Variants in USP34 observed in about 807,000 individuals in gnomAD.
USP34 encodes the protein ubiquitin carboxyl-terminal hydrolase 34.
Under a neutral mutation model 460.3 loss-of-function variants are expected in USP34, and 70 were observed. The observed-to-expected ratio is 0.15, with a 90% confidence interval of 0.13 to 0.19. The LOEUF (loss-of-function observed/expected upper bound fraction) is 0.19. Ranked by LOEUF, USP34 falls within the 10% of genes least tolerant of loss-of-function variation. The pLI is 1.00. For missense variants in USP34, 3,985 were observed against 4,236.2 expected, an observed-to-expected ratio of 0.94 and a Z score of 1.65; for synonymous variants, 1,647 against 1,405.3, an observed-to-expected ratio of 1.17 and a Z score of -3.85.
intron 44 of USP34, among the ~76,000 whole-genome samples, chr2:61,258,204 G>T (rs982801506): frequency 2.0e-5 from 3 of 152,044 alleles, no homozygotes; most frequent in Non-Finnish European, 4.4e-5. Flanking sequence ...AAATAAAGAA[G>T]ATAGCCAGGC....
At position 61,339,422 on chromosome 2, in the gene USP34, T is replaced by C. The variant is rs370987714; in HGVS notation, c.2673A>G (p.Val891=). 1.2e-5 allele frequency: 20 copies of C among 1,606,484 alleles called. No homozygotes were observed. The African/African-American group carries it at 2.4e-4, about 19-fold the overall frequency. The stretch of plus-strand genomic sequence containing the variant: ...GAATTTGTCTATCTGTAAACCAACA[T>C]ACTAACGAACAAAGAAGTTTCTCTG... ...NEAEKLLCSL[V]CWFTDRQIRM... Residue 891 remains valine (V), a synonymous_variant, in exon 18 of 80, where the codon GTA becomes GTG. Coordinates refer to ENST00000398571, the MANE Select transcript of USP34 (RefSeq NM_014709.4).
At chr2:61,211,994 A>C in intron 68 of USP34, 65 bp from the exon 69 acceptor site, 2 of 1,484,514 alleles carry the variant, frequency 1.3e-6, no homozygotes, top group Non-Finnish European at 1.8e-6. Flanking sequence ...TCAGTTTCTC[A>C]TTTCTACGTT....
intron 27 of USP34, among the ~76,000 whole-genome samples, chr2:61,306,573 G>T (rs1166477724): frequency 6.6e-6 from 1 of 152,106 alleles, no homozygotes; most frequent in Non-Finnish European, 1.5e-5. Context: ...GGTTTCATAT[G>T]AACTTTAAAG....
chr2:61,424,957 T>C (rs1694468130), intron 1 of USP34, among the ~76,000 whole-genome samples: 1 of 152,028 alleles, frequency 6.6e-6, no homozygotes, highest in South Asian at 2.1e-4. Context: ...GTAGCTGGAA[T>C]TACAGGCATG....
chr2:61,430,466 AC>A (rs1441807872), intron 1 of USP34, among the ~76,000 whole-genome samples: 1 of 152,210 alleles, frequency 6.6e-6, no homozygotes, highest in African/African-American at 2.4e-5. Context: ...ATCAGCAGTT[AC>A]GACAATGCAG....
At chr2:61,251,324 A>G (rs953784496) in intron 48 of USP34, among the ~76,000 whole-genome samples, 4 of 152,340 alleles carry the variant, frequency 2.6e-5, no homozygotes, top group African/African-American at 9.6e-5. Flanking sequence ...AAGAATGAAT[A>G]ACACTGATAT....
At chr2:61,340,585 A>T (rs989695220) in intron 16 of USP34, among the ~76,000 whole-genome samples, 3 of 152,152 alleles carry the variant, frequency 2.0e-5, no homozygotes. Flanking sequence ...TGTCACTCTT[A>T]ATTTCACATA....
chr2:61,429,763 A>C (rs1054317280), intron 1 of USP34, among the ~76,000 whole-genome samples: 1 of 152,216 alleles, frequency 6.6e-6, no homozygotes, highest in African/African-American at 2.4e-5. Flanking sequence ...TGTAAGTAGT[A>C]CATAAAGTTT....
chr2:61,336,520 A>G (rs1250185671), intron 18 of USP34, among the ~76,000 whole-genome samples: 2 of 151,900 alleles, frequency 1.3e-5, no homozygotes, highest in Non-Finnish European at 1.5e-5. Context: ...GAAAAAAAAA[A>G]AACCTCAAGC....
Position 61,297,022 on chromosome 2 carries a change from T to C in USP34, c.4129-97A>G, listed in dbSNP as rs1365349474. 1.4e-5 allele frequency: 20 copies of C among 1,454,950 alleles called. No individual in the cohort carries two copies. The East Asian group carries it at 1.6e-4, about 12-fold the overall frequency. The allele number at this position is 1,454,950 out of a possible 1,614,324, so 90.1% of individuals were successfully genotyped here. On this transcript the variant is annotated intron_variant, in intron 29 of 79. Coordinates refer to ENST00000398571, the MANE Select transcript of USP34 (RefSeq NM_014709.4). ...ATAAAGTAATGATCAAATTTGCTAA[T>C]AGTTTTTAGCCTCACTTTTTGAAAA...
intron 6 of USP34, 101 bp downstream of exon 6, chr2:61,383,168 G>A (rs1053290910): frequency 5.0e-4 from 365 of 724,984 alleles, no homozygotes; most frequent in Middle Eastern, 2.2e-3. Context: ...TTCTCTAGAG[G>A]ATATGACTAT....
At chr2:61,417,484 G>C (rs1174269245) in intron 2 of USP34, 1 of 246,264 alleles carries the variant, frequency 4.1e-6, no homozygotes, top group African/African-American at 2.2e-5. Context: ...ACTGACCATA[G>C]TTAACTGTAC....
chr2:61,242,970 A>G (rs561479388), intron 51 of USP34, among the ~76,000 whole-genome samples: 162 of 150,634 alleles, frequency 1.1e-3, no homozygotes, highest in Non-Finnish European at 1.8e-3. Flanking sequence ...AGCCTCCTGA[A>G]TAGCTGGGAT....
chr2:61,204,155 A>C, intron 74 of USP34, 101 bp downstream of exon 74: 1 of 1,469,338 alleles, frequency 6.8e-7, no homozygotes, highest in Non-Finnish European at 9.2e-7. Context: ...AGGATCCACA[A>C]AATTGGTCAC....
At chr2:61,395,415 C>A (rs1038250745) in intron 3 of USP34, among the ~76,000 whole-genome samples, 182 bp from the exon 4 acceptor site, 1 of 152,140 alleles carries the variant, frequency 6.6e-6, no homozygotes, top group African/African-American at 2.4e-5. Flanking sequence ...GTATTTTAGT[C>A]CTCCTTTAAG....
At chr2:61,210,471 G>A (rs1687242753) in intron 69 of USP34, among the ~76,000 whole-genome samples, 1 of 152,140 alleles carries the variant, frequency 6.6e-6, no homozygotes, top group Non-Finnish European at 1.5e-5. Flanking sequence ...TGTAGCAGGC[G>A]CTACTATCTA....
Position 61,274,834 on chromosome 2 carries a change from A to G in USP34, c.5433+3331T>C, listed in dbSNP as rs1264738985. Among the ~76,000 whole-genome samples, 4 of 152,252 alleles carry G rather than the reference A, an allele frequency of 2.6e-5. No homozygotes were observed. In the East Asian group the frequency reaches 5.8e-4, roughly 22 times the overall value. On this transcript the variant is annotated intron_variant, in intron 41 of 79. Transcript: ENST00000398571. ...AACCAAAACTATAAACGTATACTCC[A>G]TGAACTAGCAGTTCTAACTTTTAGA...
At chr2:61,431,438 A>C (rs975231043) in intron 1 of USP34, among the ~76,000 whole-genome samples, 5 of 152,150 alleles carry the variant, frequency 3.3e-5, no homozygotes, top group Non-Finnish European at 5.9e-5. Flanking sequence ...TGTTGCCCAC[A>C]CTGGTCACTA....
At chr2:61,247,651 C>A (rs1057306076) in intron 49 of USP34, among the ~76,000 whole-genome samples, 4 of 152,122 alleles carry the variant, frequency 2.6e-5, no homozygotes, top group African/African-American at 9.7e-5. Flanking sequence ...ATCTCAGCCT[C>A]CTAATAGCTG....
Sources: allele counts gnomAD v4.1 joint callset (sites outside exome capture counted in the v4.1 genomes callset), GRCh38; gene constraint gnomAD v4.1.1; transcripts MANE v1.5; gene names NCBI Gene and HGNC (gene_info 2026-07-23, HGNC 2026-07-21).